Variants in ITPKB observed in about 807,000 individuals in gnomAD.
ITPKB encodes the protein inositol-trisphosphate 3-kinase B.
In ITPKB, 13 loss-of-function variants were observed where a neutral mutation model predicts 69.4. The observed-to-expected ratio is 0.19, with a 90% CI of 0.12 to 0.30. The LOEUF is 0.30. ITPKB is among the 10% of genes least tolerant of loss of function. The probability of loss-of-function intolerance (pLI) is 1.00; values close to 1 mark genes in which losing one functional copy is unlikely to be tolerated. For missense variants in ITPKB, 1,240 were observed against 1,250.5 expected (o/e 0.99, Z 0.13); for synonymous variants, 584 against 513.7 (o/e 1.14, Z -1.85).
At chr1:226,710,031 C>CA (rs1656902977) in intron 2 of ITPKB, among the ~76,000 whole-genome samples, 1 of 152,150 alleles carries the variant, frequency 6.6e-6, no homozygotes, top group Admixed American at 6.5e-5. Context: ...ACAACCCACC[C>CA]ACCACAAAAT....
chr1:226,733,153 AGCATGTGTGAGG>A (rs767585961), intron 2 of ITPKB, among the ~76,000 whole-genome samples: 7 of 152,066 alleles, frequency 4.6e-5, no homozygotes, highest in Non-Finnish European at 8.8e-5. Flanking sequence ...GGTAAGTGTG[AGCATGTGTGAGG>A]GCATGTGTGA....
rs1226486324 is a variant in ITPKB at position 226,647,304 on chromosome 1, C to G, written c.2109G>C (p.Leu703=). The G allele has an allele frequency of 6.2e-7, 1 of 1,614,238 alleles. No individual in the cohort carries two copies. Among genetic ancestry groups the G allele is most frequent in the Admixed American group, 1.7e-5 (1 of 60,028 alleles). The change falls in exon 4 of 8, where the codon CTG becomes CTC. Residue 703 remains leucine (L), a synonymous_variant. Coordinates refer to ENST00000429204, the MANE Select transcript of ITPKB (RefSeq NM_002221.4). ...CGAAGGGCCTCAGCACATCCACCAT[C>G]AGCCGGTCCAGGCAGCGCTGCTCTG... ...CESEQRCLDR[L]MVDVLRPFVP... is the part of the protein sequence containing the mutation.
chr1:226,638,939 G>A (rs999985321), intron 6 of ITPKB, among the ~76,000 whole-genome samples: 5 of 151,642 alleles, frequency 3.3e-5, no homozygotes, highest in Admixed American at 1.3e-4. Context: ...AAGCTTCCCC[G>A]CCTACCCGCC....
intron 2 of ITPKB, among the ~76,000 whole-genome samples, chr1:226,713,265 C>T (rs1019193346): frequency 6.6e-6 from 1 of 152,196 alleles, no homozygotes; most frequent in African/African-American, 2.4e-5. Flanking sequence ...GAGTTGCTGC[C>T]TGTGTCCCCT....
chr1:226,710,582 G>T (rs1231776011), intron 2 of ITPKB, among the ~76,000 whole-genome samples: 2 of 152,238 alleles, frequency 1.3e-5, no homozygotes, highest in Non-Finnish European at 2.9e-5. Context: ...TCTACCAGGT[G>T]CTGGGCCAGG....
At chr1:226,662,784 T>G (rs1367978443) in intron 2 of ITPKB, among the ~76,000 whole-genome samples, 1 of 152,230 alleles carries the variant, frequency 6.6e-6, no homozygotes, top group African/African-American at 2.4e-5. Flanking sequence ...TCTGACAGAT[T>G]ATGCTGATGT....
intron 2 of ITPKB, among the ~76,000 whole-genome samples, chr1:226,671,771 C>A (rs774600656): frequency 6.6e-6 from 1 of 152,090 alleles, no homozygotes; most frequent in East Asian, 1.9e-4. Context: ...ACAGAGGGAG[C>A]GGTCAAGTGC....
chr1:226,718,080 G>A (rs1657138040), intron 2 of ITPKB, among the ~76,000 whole-genome samples: 1 of 151,388 alleles, frequency 6.6e-6, no homozygotes, highest in Non-Finnish European at 1.5e-5. Context: ...CGGATCACAA[G>A]GTCAGAAATT....
chr1:226,720,822 C>A (rs893047142), intron 2 of ITPKB, among the ~76,000 whole-genome samples: 2 of 147,334 alleles, frequency 1.4e-5, no homozygotes, highest in African/African-American at 2.5e-5. Context: ...GAGGCCGAGA[C>A]GGGCAGATCA....
intron 2 of ITPKB, among the ~76,000 whole-genome samples, chr1:226,683,698 A>C (rs1379327204): frequency 6.6e-6 from 1 of 151,998 alleles, no homozygotes; most frequent in Non-Finnish European, 1.5e-5. Context: ...TCCATTCTAA[A>C]ACTGAGTTTG....
chr1:226,672,754 C>G (rs1669641677), intron 2 of ITPKB, among the ~76,000 whole-genome samples: 1 of 152,188 alleles, frequency 6.6e-6, no homozygotes, highest in African/African-American at 2.4e-5. Flanking sequence ...GTGGGAAGCA[C>G]TGGGGTAGGG....
Position 226,682,393 on chromosome 1 carries a change from G to A in ITPKB, c.1933-33622C>T, listed in dbSNP as rs149459757. On this transcript the variant is annotated intron_variant, in intron 2 of 7. Coordinates refer to ENST00000429204, the MANE Select transcript of ITPKB (RefSeq NM_002221.4). ...GAAGGGACTTCTGTGTACTGGCAGT[G>A]CAAGGCAAGGTAGCAACATAGAGCA... Among the ~76,000 whole-genome samples the A allele has an allele frequency of 1.9e-3, 292 of 152,322 alleles. 2 individuals carry two copies. Among genetic ancestry groups the A allele is most frequent in the African/African-American group, 6.9e-3 (285 of 41,570 alleles).
rs778973917 is a variant in ITPKB at position 226,639,637 on chromosome 1, G to T, written c.2473C>A (p.Arg825=). Residue 825 remains arginine (R), a synonymous_variant, in exon 6 of 8, where the codon CGG becomes AGG. Coordinates refer to ENST00000429204, the MANE Select transcript of ITPKB (RefSeq NM_002221.4). ...GIKKEDGTVN[R]DFKKTKTREQ... ...CTCGTTTTGGTCTTCTTGAAGTCCC[G>T]GTTCACGGTGCCGTCTTCTTTCTGA... 16 of 1,613,222 alleles carry T rather than the reference G, an allele frequency of 9.9e-6. No homozygotes were observed. The highest frequency in any genetic ancestry group is 1.7e-5 in the Admixed American group (1 of 60,022).
At chr1:226,722,042 A>G (rs1363292629) in intron 2 of ITPKB, among the ~76,000 whole-genome samples, 5 of 151,872 alleles carry the variant, frequency 3.3e-5, no homozygotes, top group African/African-American at 1.2e-4. Flanking sequence ...CGAACTCCTG[A>G]CCTCAGGTAA....
At position 226,632,302 on chromosome 1, in the gene ITPKB, A is replaced by G. The variant is rs1401051546; in HGVS notation, c.*2369T>C. On this transcript the variant is annotated 3_prime_UTR_variant, in exon 8 of 8. Coordinates refer to ENST00000429204, the MANE Select transcript of ITPKB (RefSeq NM_002221.4). The stretch of plus-strand genomic sequence containing the variant: ...GTTTGTCCTGCCTGCTGGCACATGC[A>G]CTGCCAGGACCCAAGGAGTCCCTGT... 3 of 152,280 alleles carry G rather than the reference A, an allele frequency of 2.0e-5. No homozygotes were observed. Among genetic ancestry groups the G allele is most frequent in the Admixed American group, 2.0e-4 (3 of 15,284 alleles). 9.4% of individuals were successfully genotyped at this position (152,280 alleles called of 1,614,324 possible).
At chr1:226,668,400 G>C (rs896507772) in intron 2 of ITPKB, among the ~76,000 whole-genome samples, 11 of 152,212 alleles carry the variant, frequency 7.2e-5, no homozygotes, top group Non-Finnish European at 1.6e-4. Flanking sequence ...CGTCCCCCGA[G>C]TCCTGTGGTA....
In ITPKB at chr1:226,707,620, T is replaced by C. The variant is rs1020206172; in HGVS notation, c.1932+27907A>G. 23 of 989,476 alleles carry C rather than the reference T, an allele frequency of 2.3e-5. No homozygotes were observed. In the Admixed American group the frequency reaches 6.1e-4, roughly 26 times the overall value. 61.3% of individuals were successfully genotyped at this position (989,476 alleles called of 1,614,324 possible). A position where few individuals can be genotyped will look rare whatever the true frequency, so the allele number is the denominator to read the frequency against. ...GCAGTGGGGGCTCAATGGGGATAAA[T>C]AGGCAGTGTACACATGAGTAACTCA... On this transcript the variant is annotated intron_variant, in intron 2 of 7. Transcript: ENST00000429204.
At chr1:226,648,648 A>G (rs970995810) in intron 3 of ITPKB, 24 bp downstream of exon 3, 16 of 1,443,372 alleles carry the variant, frequency 1.1e-5, no homozygotes, top group African/African-American at 9.8e-5. Context: ...CCATGCTGGG[A>G]AAGTCTGGGA....
intron 2 of ITPKB, among the ~76,000 whole-genome samples, chr1:226,694,581 G>C (rs1035009555): frequency 6.6e-6 from 1 of 152,176 alleles, no homozygotes; most frequent in Non-Finnish European, 1.5e-5. Context: ...CAAGGAGCTA[G>C]GTATTATTAT....
Sources: allele counts gnomAD v4.1 joint callset (sites outside exome capture counted in the v4.1 genomes callset), GRCh38; gene constraint gnomAD v4.1.1; transcripts MANE v1.5; gene names NCBI Gene and HGNC (gene_info 2026-07-23, HGNC 2026-07-21).